BUB3: variants seen among roughly 807,000 people sequenced by gnomAD.
BUB3 encodes BUB3 mitotic checkpoint protein, also known as mitotic checkpoint protein BUB3.
A neutral mutation model predicts 39.9 loss-of-function variants in BUB3; 22 were observed. That is an observed-to-expected ratio of 0.55 (90% CI 0.39 to 0.79). The LOEUF (loss-of-function observed/expected upper bound fraction) is 0.79, where lower values mean the gene tolerates loss of function less well. BUB3 is among the 30% of genes least tolerant of loss of function. BUB3 has a pLI of 0.00. For missense variants in BUB3, 303 were observed against 415.4 expected, an observed-to-expected ratio of 0.73 and a Z score of 2.35; for synonymous variants, 168 against 155.1, an observed-to-expected ratio of 1.08 and a Z score of -0.62.
intron 3 of BUB3, among the ~76,000 whole-genome samples, chr10:123,156,529 T>G (rs769672899): frequency 5.9e-5 from 9 of 152,218 alleles, no homozygotes; most frequent in African/African-American, 2.2e-4. Flanking sequence ...GAAAGCTACT[T>G]CTTCTGTAAC....
In BUB3 at chr10:123,155,519, T is replaced by G. The variant is rs549960442; in HGVS notation, c.196-139T>G. 1.3e-5 allele frequency: 10 copies of G among 758,222 alleles called. No individual in the cohort carries two copies. In the African/African-American group the frequency reaches 1.8e-4, roughly 13 times the overall value. 47.0% of individuals were successfully genotyped at this position (758,222 alleles called of 1,614,324 possible). A position where few individuals can be genotyped will look rare whatever the true frequency, so the allele number is the denominator to read the frequency against. ...TTAGTGACCACTTGCTTTTTTATGC[T>G]GTTTTTTGGTTTGTTTACCATGAAT... On this transcript the variant is annotated intron_variant, in intron 2 of 7. Transcript: ENST00000368865.
intron 7 of BUB3, chr10:123,163,058 T>C (rs7088327): frequency 0.16 from 81,159 of 507,616 alleles, 7,916 homozygotes; most frequent in East Asian, 0.36. Context: ...GTCAAACTCT[T>C]ATTCTTCTTG....
At chr10:123,161,644 G>A (rs750658661) in intron 5 of BUB3, among the ~76,000 whole-genome samples, 24 of 152,206 alleles carry the variant, frequency 1.6e-4, no homozygotes, top group Middle Eastern at 6.8e-3. Flanking sequence ...TTCATATTTG[G>A]TGTGTTAGCT....
Position 123,162,368 on chromosome 10 carries a change from G to A in BUB3, c.709G>A (p.Val237Ile), listed in dbSNP as rs1299138257. ...KENNIEQIYP[V>I]NAISFHNIHN... Reference sequence around the variant, plus strand: ...AAATAATATTGAGCAGATTTACCCAGTCAATGCCATTTCTTTTCACAATAT... The same window carrying A: ...AAATAATATTGAGCAGATTTACCCAATCAATGCCATTTCTTTTCACAATAT... Residue 237 changes from valine (V) to isoleucine (I), a missense_variant, in exon 6 of 8, where the codon GTC becomes ATC. By Grantham distance (29) the Val-to-Ile change is conservative. Around this residue, in one of 2 missense-constraint regions of BUB3, gnomAD observed 182 missense variants for 293.1 expected, o/e 0.62. Coordinates refer to ENST00000368865, the MANE Select transcript of BUB3 (RefSeq NM_004725.4). 2.5e-6 allele frequency: 4 copies of A among 1,613,936 alleles called. No individual in the cohort carries two copies. The highest frequency in any genetic ancestry group is 1.7e-5 in the Admixed American group (1 of 59,990).
chr10:123,154,617 C>T lies in BUB3; in HGVS notation c.-1+132C>T, dbSNP rs1051332466. The T allele has an allele frequency of 2.2e-5, 7 of 320,002 alleles. No individual in the cohort carries two copies. In the Admixed American group the frequency reaches 3.6e-4, roughly 16 times the overall value. 19.8% of individuals were successfully genotyped at this position (320,002 alleles called of 1,614,324 possible). On this transcript the variant is annotated intron_variant, in intron 1 of 7. Transcript: ENST00000368865. ...TGTTTTCCCTTTATTTTTAGGAGTG[C>T]CCGGGGCGACGGGACCCCGGGAGAG...
At chr10:123,155,883 A>G (rs938950531) in intron 3 of BUB3, among the ~76,000 whole-genome samples, 156 bp downstream of exon 3, 4 of 152,248 alleles carry the variant, frequency 2.6e-5, no homozygotes, top group Admixed American at 2.0e-4. Flanking sequence ...AATGATAACC[A>G]TTAAGTTACT....
rs1420858433 is a variant in BUB3 at position 123,168,572 on chromosome 10, A to G, written c.*4737A>G. The stretch of plus-strand genomic sequence containing the variant: ...TTTGTGATTTTTTTTTTTTCGAGAC[A>G]CAGTCTCGTTCTGTCGCCCAGGCTG... On this transcript the variant is annotated 3_prime_UTR_variant, in exon 8 of 8. Coordinates refer to ENST00000368865, the MANE Select transcript of BUB3 (RefSeq NM_004725.4). 2.6e-5 allele frequency: 4 copies of G among 151,776 alleles called. No homozygotes were observed. The highest frequency in any genetic ancestry group is 5.9e-5 in the Non-Finnish European group (4 of 67,940). 9.4% of individuals were successfully genotyped at this position (151,776 alleles called of 1,614,324 possible).
Position 123,165,098 on chromosome 10 carries a change from C to T in BUB3, c.*1263C>T. 1 of 1,584,848 alleles carries T rather than the reference C, an allele frequency of 6.3e-7. No homozygotes were observed. Among genetic ancestry groups the T allele is most frequent in the Non-Finnish European group, 8.7e-7 (1 of 1,155,802 alleles). ...GTTTCTCTATGGAAAGCTTTGTTTG[C>T]TTCCTACAAATACATGCTTATTCCT... On this transcript the variant is annotated 3_prime_UTR_variant, in exon 8 of 8. Coordinates refer to ENST00000368865, the MANE Select transcript of BUB3 (RefSeq NM_004725.4).
chr10:123,170,071 A>G lies in BUB3; in HGVS notation c.*6236A>G, dbSNP rs1312510304. The G allele has an allele frequency of 6.6e-6, 1 of 152,116 alleles. No homozygotes were observed. Among genetic ancestry groups the G allele is most frequent in the Admixed American group, 6.5e-5 (1 of 15,268 alleles). 9.4% of individuals were successfully genotyped at this position (152,116 alleles called of 1,614,324 possible). Reference sequence around the variant, plus strand: ...GACCTTATCTTAATCTAAAAAATAAAATTTCTGAGCCTTATTTTCCTCATC... The same window carrying G: ...GACCTTATCTTAATCTAAAAAATAAGATTTCTGAGCCTTATTTTCCTCATC... On this transcript the variant is annotated 3_prime_UTR_variant, in exon 8 of 8. Transcript: ENST00000368865.
chr10:123,167,382 T>C lies in BUB3; in HGVS notation c.*3547T>C, dbSNP rs1276142416. The C allele has an allele frequency of 6.6e-6, 1 of 152,164 alleles. No individual in the cohort carries two copies. Among genetic ancestry groups the C allele is most frequent in the Non-Finnish European group, 1.5e-5 (1 of 68,038 alleles). The allele number at this position is 152,164 out of a possible 1,614,324, so 9.4% of individuals were successfully genotyped here. ...CCTTGTTGCAGCTCACAAATAAGTG[T>C]GCCCTTTCTCAAAACACGTATGAAA... On this transcript the variant is annotated 3_prime_UTR_variant, in exon 8 of 8. Transcript: ENST00000368865.
At chr10:123,159,726 C>G (rs1351888794) in intron 4 of BUB3, among the ~76,000 whole-genome samples, 1 of 152,166 alleles carries the variant, frequency 6.6e-6, no homozygotes, top group Non-Finnish European at 1.5e-5. Context: ...TAATGTTGAA[C>G]TTCTATCTTG....
chr10:123,164,542 G>T lies in BUB3; in HGVS notation c.*707G>T, dbSNP rs930871269. The T allele has an allele frequency of 1.0e-6, 1 of 986,130 alleles. No homozygotes were observed. The highest frequency in any genetic ancestry group is 1.7e-5 in the African/African-American group (1 of 57,260). The allele number at this position is 986,130 out of a possible 1,614,324, so 61.1% of individuals were successfully genotyped here. ...ATTGTTTGAGTCAGTAATGAGCTGA[G>T]AAAAGACAGAGCATATCTGTGTATT... On this transcript the variant is annotated 3_prime_UTR_variant, in exon 8 of 8. Coordinates refer to ENST00000368865, the MANE Select transcript of BUB3 (RefSeq NM_004725.4).
In BUB3 at chr10:123,160,482, C is replaced by A; in HGVS notation, c.493C>A (p.Arg165=). 6.2e-7 allele frequency: 1 copy of A among 1,613,374 alleles called. No individual in the cohort carries two copies. Among genetic ancestry groups the A allele is most frequent in the Non-Finnish European group, 8.5e-7 (1 of 1,179,912 alleles). ...CCGCAGAGTGTTGGTGTGGGACTTACGGAACATGGGTTACGTGCAGCAGCG... is the reference window on the plus strand; with the variant it reads ...CCGCAGAGTGTTGGTGTGGGACTTAAGGAACATGGGTTACGTGCAGCAGCG... ...AGRRVLVWDL[R]NMGYVQQRRE... The change falls in exon 5 of 8, where the codon CGG becomes AGG. Residue 165 remains arginine (R), a synonymous_variant. Coordinates refer to ENST00000368865, the MANE Select transcript of BUB3 (RefSeq NM_004725.4).
chr10:123,160,375 G>T, intron 4 of BUB3, 32 bp from the exon 5 acceptor site: 3 of 1,477,818 alleles, frequency 2.0e-6, no homozygotes, highest in South Asian at 1.4e-5. Flanking sequence ...GCAAGAAGGT[G>T]ATTTTTAGCA....
In BUB3 at chr10:123,160,400, T is replaced by C. The variant is rs754348262; in HGVS notation, c.418-7T>C. ...GATTTTTAGCAAGTTTTGATCTTTT[T>C]TAAAAGGTATATACCCTCTCAGTGT... is the stretch of plus-strand genomic sequence containing the variant. On this transcript the variant is annotated splice_polypyrimidine_tract_variant and splice_region_variant and intron_variant, in intron 4 of 7. Transcript: ENST00000368865. The C allele has an allele frequency of 6.6e-7, 1 of 1,520,946 alleles. No homozygotes were observed. Among genetic ancestry groups the C allele is most frequent in the Non-Finnish European group, 8.8e-7 (1 of 1,136,788 alleles). 94.2% of individuals were successfully genotyped at this position (1,520,946 alleles called of 1,614,324 possible).
At position 123,170,393 on chromosome 10, in the gene BUB3, C is replaced by A. The variant is rs2133575862; in HGVS notation, c.*6558C>A. On this transcript the variant is annotated 3_prime_UTR_variant, in exon 8 of 8. Transcript: ENST00000368865. ...AAACTCAGGATCATACCCATAAACCCACTGTTTAGATTTTAAAAAGTTCAA... is the reference window on the plus strand; with the variant it reads ...AAACTCAGGATCATACCCATAAACCAACTGTTTAGATTTTAAAAAGTTCAA... 1 of 152,198 alleles carries A rather than the reference C, an allele frequency of 6.6e-6. No individual in the cohort carries two copies. The highest frequency in any genetic ancestry group is 1.9e-4 in the East Asian group (1 of 5,184). The allele number at this position is 152,198 out of a possible 1,614,324, so 9.4% of individuals were successfully genotyped here.
rs1259286443 is a variant in BUB3 at position 123,160,623 on chromosome 10, A to G, written c.576+58A>G. On this transcript the variant is annotated intron_variant, in intron 5 of 7. Transcript: ENST00000368865. ...TTTGAAAATAATATGATCTTATATTATAATGATTTGGCCACTAGCCCCTAA... is the reference window on the plus strand; with the variant it reads ...TTTGAAAATAATATGATCTTATATTGTAATGATTTGGCCACTAGCCCCTAA... 6 of 1,403,068 alleles carry G rather than the reference A, an allele frequency of 4.3e-6. No homozygotes were observed. The African/African-American group carries it at 5.8e-5, about 14-fold the overall frequency. 86.9% of individuals were successfully genotyped at this position (1,403,068 alleles called of 1,614,324 possible). A position where few individuals can be genotyped will look rare whatever the true frequency, so the allele number is the denominator to read the frequency against.
chr10:123,165,183 C>G lies in BUB3; in HGVS notation c.*1348C>G. On this transcript the variant is annotated 3_prime_UTR_variant, in exon 8 of 8. Transcript: ENST00000368865. ...GTTTTCTGTCTTACAAGAAACTTGT[C>G]TATGTACCTTAATACTTTGTTTAGG... is the stretch of plus-strand genomic sequence containing the variant. 8.9e-7 allele frequency: 1 copy of G among 1,119,540 alleles called. No individual in the cohort carries two copies. Among genetic ancestry groups the G allele is most frequent in the Non-Finnish European group, 1.3e-6 (1 of 752,822 alleles). 69.4% of individuals were successfully genotyped at this position (1,119,540 alleles called of 1,614,324 possible). A position where few individuals can be genotyped will look rare whatever the true frequency, so the allele number is the denominator to read the frequency against.
chr10:123,162,232 GC>G lies in BUB3; in HGVS notation c.577-3del, dbSNP rs964058853. On this transcript the variant is annotated splice_polypyrimidine_tract_variant and splice_region_variant and intron_variant, in intron 5 of 7. Coordinates refer to ENST00000368865, the MANE Select transcript of BUB3 (RefSeq NM_004725.4). Reference sequence around the variant, plus strand: ...ATTTTTTTCCTCTGGTTCTCTCTTGGCAGGGTTATGTATTAAGCTCTATTGA... The same window carrying G: ...ATTTTTTTCCTCTGGTTCTCTCTTGGAGGGTTATGTATTAAGCTCTATTGA... 2.5e-6 allele frequency: 4 copies of G among 1,604,478 alleles called. No individual in the cohort carries two copies. The highest frequency in any genetic ancestry group is 3.4e-6 in the Non-Finnish European group (4 of 1,176,814).
Sources: gnomAD v4.1 joint callset for allele counts (sites outside exome capture counted in the v4.1 genomes callset) on GRCh38, gnomAD v4.1.1 for gene constraint, gnomAD v4.1.1 regional missense constraint, MANE v1.5 for transcripts, NCBI Gene and HGNC (gene_info 2026-07-23, HGNC 2026-07-21) for gene names.